KATNB1: variants seen among roughly 807,000 people sequenced by gnomAD.
KATNB1 encodes katanin regulatory subunit B1, also known as katanin p80 WD40 repeat-containing subunit B1.
A neutral mutation model predicts 82.3 loss-of-function variants in KATNB1; 38 were observed. The observed-to-expected ratio is 0.46, with a 90% CI of 0.36 to 0.61. The LOEUF is 0.61. KATNB1 is among the 20% of genes least tolerant of loss of function. KATNB1 has a pLI of 0.00. For synonymous variants in KATNB1, 361 were observed against 368.7 expected (o/e 0.98, Z 0.24); for missense variants, 749 against 915.7 (o/e 0.82, Z 2.35).
chr16:57,745,405 A>T (rs2049176150), intron 4 of KATNB1, among the ~76,000 whole-genome samples: 1 of 148,818 alleles, frequency 6.7e-6, no homozygotes, highest in African/African-American at 2.5e-5. Context: ...CTCTACTAAA[A>T]ATACAAAATT....
At position 57,751,312 on chromosome 16, in the gene KATNB1, C is replaced by T. The variant is rs782232615; in HGVS notation, c.432+10C>T. On this transcript the variant is annotated intron_variant, in intron 6 of 19. Coordinates refer to ENST00000379661, the MANE Select transcript of KATNB1 (RefSeq NM_005886.3). The surrounding 1 kb of genome is among the most constrained non-coding windows in gnomAD (Gnocchi z 6.3). ...TGTCTTCCGATACAGGGTAAGGATGCGCTCTGTCGGTGACTCCATGAGCAC... is the reference window on the plus strand; with the variant it reads ...TGTCTTCCGATACAGGGTAAGGATGTGCTCTGTCGGTGACTCCATGAGCAC... 1.5e-5 allele frequency: 24 copies of T among 1,612,336 alleles called. No individual in the cohort carries two copies. Among genetic ancestry groups the T allele is most frequent in the Admixed American group, 5.0e-5 (3 of 59,992 alleles).
chr16:57,748,968 C>T (rs2049204442), intron 4 of KATNB1, among the ~76,000 whole-genome samples: 1 of 152,190 alleles, frequency 6.6e-6, no homozygotes, highest in Non-Finnish European at 1.5e-5. Flanking sequence ...GAGGCAATGC[C>T]CAGCCCCCAG....
At chr16:57,744,200 G>T (rs1373852479) in intron 3 of KATNB1, among the ~76,000 whole-genome samples, 194 bp from the exon 4 acceptor site, 1 of 152,232 alleles carries the variant, frequency 6.6e-6, no homozygotes, top group South Asian at 2.1e-4. Context: ...GCCACTCTTA[G>T]CCCTGGGAGC....
Position 57,752,778 on chromosome 16 carries a change from G to A in KATNB1, c.705G>A (p.Arg235=). 1 of 1,609,636 alleles carries A rather than the reference G, an allele frequency of 6.2e-7. No homozygotes were observed. Among genetic ancestry groups the A allele is most frequent in the Non-Finnish European group, 8.5e-7 (1 of 1,179,216 alleles). The change falls in exon 10 of 20, where the codon AGG becomes AGA. Residue 235 remains arginine, a splice_region_variant and synonymous_variant. Transcript: ENST00000379661. ...SCIEGEPGPV[R]SVLFNPDGCC... is the part of the protein sequence containing the mutation. ...CACGGCCATCTCTCGCCTGGCCCAGGAGCGTCCTCTTCAACCCAGACGGCT... is the reference window on the plus strand; with the variant it reads ...CACGGCCATCTCTCGCCTGGCCCAGAAGCGTCCTCTTCAACCCAGACGGCT...
At chr16:57,755,264 T>C (rs781838244) in intron 15 of KATNB1, 26 bp downstream of exon 15, 21 of 1,610,440 alleles carry the variant, frequency 1.3e-5, no homozygotes, top group Non-Finnish European at 1.8e-5. Context: ...GCTCGAGGCA[T>C]GGGTGGAGGT....
chr16:57,752,246 GC>G, intron 8 of KATNB1, 191 bp downstream of exon 8: 1 of 640,928 alleles, frequency 1.6e-6, no homozygotes, highest in South Asian at 1.8e-5. Flanking sequence ...TGGTTCCCTG[GC>G]CCCAGTGTCC....
At chr16:57,736,039 G>T (rs951265054) in intron 1 of KATNB1, 184 bp downstream of exon 1, 2 of 152,694 alleles carry the variant, frequency 1.3e-5, no homozygotes, top group African/African-American at 2.4e-5. Context: ...GCCCCCGGAC[G>T]AGAGGGGTCG....
chr16:57,746,187 G>A (rs2049182786), intron 4 of KATNB1, among the ~76,000 whole-genome samples: 1 of 152,140 alleles, frequency 6.6e-6, no homozygotes, highest in Non-Finnish European at 1.5e-5. Flanking sequence ...ATGAGTTTGA[G>A]TATAGAGTTC....
intron 4 of KATNB1, among the ~76,000 whole-genome samples, chr16:57,745,189 G>A (rs1412040026): frequency 6.6e-6 from 1 of 152,112 alleles, no homozygotes; most frequent in Non-Finnish European, 1.5e-5. Flanking sequence ...AGACCACATG[G>A]TCATACCACA....
chr16:57,746,340 C>T (rs958070767), intron 4 of KATNB1, among the ~76,000 whole-genome samples: 1 of 152,112 alleles, frequency 6.6e-6, no homozygotes, highest in South Asian at 2.1e-4. Flanking sequence ...CATGTTCTGT[C>T]TCTTCCTTCC....
chr16:57,739,452 TGTG>T (rs2049126859), intron 2 of KATNB1, among the ~76,000 whole-genome samples: 1 of 152,228 alleles, frequency 6.6e-6, no homozygotes, highest in African/African-American at 2.4e-5. Flanking sequence ...TTTGGCTGGA[TGTG>T]GGGCCCAGGT....
rs373854173 is a variant in KATNB1 at position 57,753,386 on chromosome 16, C to T, written c.1047-3C>T. The T allele has an allele frequency of 1.8e-4, 294 of 1,611,412 alleles. 1 individual carries two copies. In the African/African-American group the frequency reaches 3.7e-3, roughly 20 times the overall value. On this transcript the variant is annotated splice_region_variant and splice_polypyrimidine_tract_variant and intron_variant, in intron 11 of 19. Coordinates refer to ENST00000379661, the MANE Select transcript of KATNB1 (RefSeq NM_005886.3). ...TCCGTTGGGCTTGGCCTCACGCTCC[C>T]AGGGTGAAGCAGAACTCAGAGAGCG...
chr16:57,737,039 T>C lies in KATNB1; in HGVS notation c.-205T>C, dbSNP rs1286517886. The stretch of plus-strand genomic sequence containing the variant: ...CCATGATCCAGGATCGTGACAGATG[T>C]GCACAGGCTGCTGCTGTTGCTGCTG... On this transcript the variant is annotated 5_prime_UTR_variant, in exon 2 of 20. Coordinates refer to ENST00000379661, the MANE Select transcript of KATNB1 (RefSeq NM_005886.3). The C allele has an allele frequency of 5.7e-6, 4 of 705,994 alleles. No individual in the cohort carries two copies. The highest frequency in any genetic ancestry group is 1.0e-5 in the Non-Finnish European group (4 of 388,744). The allele number at this position is 705,994 out of a possible 1,614,324, so 43.7% of individuals were successfully genotyped here. A position where few individuals can be genotyped will look rare whatever the true frequency, so the allele number is the denominator to read the frequency against.
Position 57,751,078 on chromosome 16 carries a change from C to A in KATNB1, c.390+151C>A. 1.2e-6 allele frequency: 1 copy of A among 834,970 alleles called. No homozygotes were observed. The highest frequency in any genetic ancestry group is 1.5e-5 in the South Asian group (1 of 66,550). 51.7% of individuals were successfully genotyped at this position (834,970 alleles called of 1,614,324 possible). A position where few individuals can be genotyped will look rare whatever the true frequency, so the allele number is the denominator to read the frequency against. ...CCTAGGGAAAGCGGGTGGCAGGCATCTATCTGCCAGATGCTTCTGCTCAGA... is the reference window on the plus strand; with the variant it reads ...CCTAGGGAAAGCGGGTGGCAGGCATATATCTGCCAGATGCTTCTGCTCAGA... On this transcript the variant is annotated intron_variant, in intron 5 of 19. Transcript: ENST00000379661. This position sits in a 1 kb window ranked among gnomAD's most constrained non-coding sequence, Gnocchi z 6.3.
intron 18 of KATNB1, 107 bp from the exon 19 acceptor site, chr16:57,756,247 TGG>T (rs2049276964): frequency 4.0e-5 from 45 of 1,124,210 alleles, no homozygotes; most frequent in Non-Finnish European, 5.3e-5. Flanking sequence ...GGTGTATGTG[TGG>T]GTGTGTCTGT....
chr16:57,745,146 C>T (rs187522015), intron 4 of KATNB1, among the ~76,000 whole-genome samples: 4 of 152,360 alleles, frequency 2.6e-5, no homozygotes, highest in Non-Finnish European at 5.9e-5. Flanking sequence ...TCTGTGCTTT[C>T]GTCTGTGCTT....
rs191441658 is a variant in KATNB1, at chr16:57,753,960, G to A, written c.1193G>A (p.Arg398Gln). 6.4e-5 allele frequency: 103 copies of A among 1,613,542 alleles called. No individual in the cohort carries two copies. Among genetic ancestry groups the A allele is most frequent in the Admixed American group, 5.3e-4 (32 of 59,994 alleles). The change falls in exon 13 of 20, where the codon CGG becomes CAG. Residue 398 changes from arginine (R) to glutamine (Q), a missense_variant. By Grantham distance (43) the Arg-to-Gln change is conservative. Coordinates refer to ENST00000379661, the MANE Select transcript of KATNB1 (RefSeq NM_005886.3). ...TCCTCTGCAGGTCGGACGCCACCCC[G>A]GAGAAGTGAGCCCTTCCCTGCACCC... Reference protein sequence around the residue: ...PKNSISRTPPRRSEPFPAPPE... With the variant: ...PKNSISRTPPQRSEPFPAPPE...
intron 2 of KATNB1, among the ~76,000 whole-genome samples, chr16:57,738,905 C>A (rs779617286): frequency 1.2e-4 from 17 of 146,606 alleles, no homozygotes; most frequent in Non-Finnish European, 2.4e-4. Flanking sequence ...CCGTATCCCT[C>A]TGTGTCTCCT....
chr16:57,747,037 A>T (rs927821990), intron 4 of KATNB1, among the ~76,000 whole-genome samples: 1 of 150,554 alleles, frequency 6.6e-6, no homozygotes, highest in Non-Finnish European at 1.5e-5. Flanking sequence ...ACGGACCACC[A>T]TGTCCCGCTA....
Sources: gnomAD v4.1 joint callset for allele counts (sites outside exome capture counted in the v4.1 genomes callset) on GRCh38, gnomAD v4.1.1 for gene constraint, Gnocchi (gnomAD v3.1) non-coding constraint, MANE v1.5 for transcripts, NCBI Gene and HGNC (gene_info 2026-07-23, HGNC 2026-07-21) for gene names.